The following RBFOX3 variants were observed in gnomAD, a reference collection of about 807,000 sequenced individuals.
The protein encoded by RBFOX3 is RNA binding protein fox-1 homolog 3.
RBFOX3 carries 17 observed loss-of-function variants against 48.7 expected under a neutral mutation model. That is an observed-to-expected ratio of 0.35 (90% CI 0.24 to 0.52). RBFOX3 has a LOEUF of 0.52. Ranked by LOEUF, RBFOX3 falls within the 20% of genes least tolerant of loss-of-function variation. RBFOX3 has a pLI of 0.94. For missense variants in RBFOX3, 382 were observed against 497.5 expected, an observed-to-expected ratio of 0.77 and a Z score of 2.21; for synonymous variants, 212 against 209.5, an observed-to-expected ratio of 1.01 and a Z score of -0.10.
At chr17:79,291,755 C>T (rs917969127) in intron 3 of RBFOX3, among the ~76,000 whole-genome samples, 35 of 152,210 alleles carry the variant, frequency 2.3e-4, no homozygotes, top group African/African-American at 8.2e-4. Context: ...AGAGAGTACA[C>T]AGCCCCTCTC....
Position 79,252,944 on chromosome 17 carries a change from C to T in RBFOX3, c.-73-17139G>A, listed in dbSNP as rs1292136667. On this transcript the variant is annotated intron_variant, in intron 3 of 14. Transcript: ENST00000693108. The surrounding 1 kb of genome is among the most constrained non-coding windows in gnomAD (Gnocchi z 4.0). Reference sequence around the variant, plus strand: ...AGCCCCAGCCCCCTAAACCCGCAGCCTTCTTTGCCGTCTACACTCAGCAAA... The same window carrying T: ...AGCCCCAGCCCCCTAAACCCGCAGCTTTCTTTGCCGTCTACACTCAGCAAA... 4.6e-5 allele frequency among the ~76,000 whole-genome samples: 7 copies of T among 152,150 alleles called. No homozygotes were observed. Among genetic ancestry groups the T allele is most frequent in the Admixed American group, 6.5e-5 (1 of 15,274 alleles).
intron 3 of RBFOX3, among the ~76,000 whole-genome samples, chr17:79,279,595 T>C (rs2069765445): frequency 1.3e-5 from 2 of 152,214 alleles, no homozygotes; most frequent in Admixed American, 1.3e-4. Context: ...TTGTTTCTGG[T>C]CACCCTGTCC....
Position 79,535,119 on chromosome 17 carries a change from G to A in RBFOX3, c.-319-52521C>T, listed in dbSNP as rs990864315. Among the ~76,000 whole-genome samples, 1 of 152,192 alleles carries A rather than the reference G, an allele frequency of 6.6e-6. No individual in the cohort carries two copies. Among genetic ancestry groups the A allele is most frequent in the Non-Finnish European group, 1.5e-5 (1 of 68,028 alleles). ...AAGTCCAGGCTGTGGCAGCTGCGGG[G>A]TTGGGCGATTCAGCCCCTCTCTATG... is the stretch of plus-strand genomic sequence containing the variant. On this transcript the variant is annotated intron_variant, in intron 1 of 14. Coordinates refer to ENST00000693108, the MANE Select transcript of RBFOX3 (RefSeq NM_001350451.2). This position sits in a 1 kb window ranked among gnomAD's most constrained non-coding sequence, Gnocchi z 4.5.
intron 3 of RBFOX3, among the ~76,000 whole-genome samples, chr17:79,265,601 G>A (rs1170934012): frequency 2.0e-5 from 3 of 152,172 alleles, no homozygotes; most frequent in Admixed American, 1.3e-4. Flanking sequence ...CCCTGGGCAC[G>A]CGGGTCTGTA....
intron 3 of RBFOX3, among the ~76,000 whole-genome samples, chr17:79,291,106 C>T (rs2073174328): frequency 6.6e-6 from 1 of 152,186 alleles, no homozygotes; most frequent in African/African-American, 2.4e-5. Context: ...TGATAAAATG[C>T]CAGCCTGCAG....
At chr17:79,490,195 T>G (rs2080285405) in intron 1 of RBFOX3, among the ~76,000 whole-genome samples, 1 of 152,072 alleles carries the variant, frequency 6.6e-6, no homozygotes, top group East Asian at 1.9e-4. Flanking sequence ...GTAGCTATAC[T>G]TCTTCTTTTT....
At chr17:79,182,093 G>A (rs1288585761) in intron 4 of RBFOX3, among the ~76,000 whole-genome samples, 1 of 152,136 alleles carries the variant, frequency 6.6e-6, no homozygotes, top group South Asian at 2.1e-4. Flanking sequence ...GGCCTGGCCT[G>A]GCCAAGTTCC....
At chr17:79,531,233 G>A (rs912713694) in intron 1 of RBFOX3, among the ~76,000 whole-genome samples, 11 of 152,314 alleles carry the variant, frequency 7.2e-5, no homozygotes, top group Non-Finnish European at 1.3e-4. Context: ...CCATGGGGGT[G>A]GGGTCTCCTG....
chr17:79,395,783 C>T (rs894359946), intron 2 of RBFOX3, among the ~76,000 whole-genome samples: 3 of 152,234 alleles, frequency 2.0e-5, no homozygotes, highest in Admixed American at 1.3e-4. Context: ...ACCAGGAGCC[C>T]ATCACGTCAG....
At chr17:79,387,472 A>G (rs1262897547) in intron 2 of RBFOX3, among the ~76,000 whole-genome samples, 1 of 152,220 alleles carries the variant, frequency 6.6e-6, no homozygotes, top group African/African-American at 2.4e-5. Context: ...GCAGGGCCTG[A>G]TCTAGGGATA....
intron 1 of RBFOX3, among the ~76,000 whole-genome samples, chr17:79,563,096 A>G (rs2092312810): frequency 6.6e-6 from 1 of 152,230 alleles, no homozygotes. Flanking sequence ...TTTGTCCTGA[A>G]GTTCCCTTTA....
intron 4 of RBFOX3, among the ~76,000 whole-genome samples, chr17:79,133,245 A>T (rs1568194535): frequency 6.6e-6 from 1 of 152,130 alleles, no homozygotes; most frequent in Non-Finnish European, 1.5e-5. Context: ...TGCAGGGGAA[A>T]CCAGAGGAGC....
At position 79,495,620 on chromosome 17, in the gene RBFOX3, G is replaced by GCA. The variant is rs2081384981; in HGVS notation, c.-319-13023_-319-13022insTG. Among the ~76,000 whole-genome samples, 21 of 110,228 alleles carry GCA rather than the reference G, an allele frequency of 1.9e-4. 2 individuals carry two copies. Among genetic ancestry groups the GCA allele is most frequent in the African/African-American group, 6.3e-4 (18 of 28,510 alleles). The allele number at this position is 110,228 out of a possible 152,430, so 72.3% of individuals were successfully genotyped here. The stretch of plus-strand genomic sequence containing the variant: ...GGGGTACAGAGGGTGGGGAGGTGGG[G>GCA]GAAAGGGTACTGGGGCAGGGATGGG... On this transcript the variant is annotated intron_variant, in intron 1 of 14. Transcript: ENST00000693108.
In RBFOX3 at chr17:79,385,085, C is replaced by G. The variant is rs1406782608; in HGVS notation, c.-174-77261G>C. Among the ~76,000 whole-genome samples the G allele has an allele frequency of 2.0e-5, 3 of 152,344 alleles. No individual in the cohort carries two copies. In the East Asian group the frequency reaches 5.8e-4, roughly 29 times the overall value. ...CCAGGCCCTTGCAAACCCCTCGGGTCCCAGGAATGCCCTGGCTCTTGGGCC... is the reference window on the plus strand; with the variant it reads ...CCAGGCCCTTGCAAACCCCTCGGGTGCCAGGAATGCCCTGGCTCTTGGGCC... On this transcript the variant is annotated intron_variant, in intron 2 of 14. Coordinates refer to ENST00000693108, the MANE Select transcript of RBFOX3 (RefSeq NM_001350451.2).
chr17:79,547,681 A>T (rs984258850), intron 1 of RBFOX3, among the ~76,000 whole-genome samples: 4 of 152,180 alleles, frequency 2.6e-5, no homozygotes, highest in Non-Finnish European at 2.9e-5. Flanking sequence ...CACAGCATGT[A>T]CCACACCCAG....
chr17:79,441,116 C>T (rs1034442391), intron 2 of RBFOX3, among the ~76,000 whole-genome samples: 5 of 152,144 alleles, frequency 3.3e-5, no homozygotes, highest in African/African-American at 7.2e-5. Flanking sequence ...AGAGACACAG[C>T]GGAAGGATTT....
At chr17:79,542,567 T>C (rs1395157934) in intron 1 of RBFOX3, among the ~76,000 whole-genome samples, 1 of 152,198 alleles carries the variant, frequency 6.6e-6, no homozygotes, top group Admixed American at 6.5e-5. Flanking sequence ...GTGGATCACC[T>C]GAGATCAGGA....
intron 1 of RBFOX3, among the ~76,000 whole-genome samples, chr17:79,557,873 C>T (rs1291568966): frequency 3.3e-5 from 5 of 152,266 alleles, no homozygotes; most frequent in South Asian, 2.1e-4. Context: ...CAAAACCTGC[C>T]GAGGACGCAG....
At chr17:79,441,887 G>T (rs537250615) in intron 2 of RBFOX3, among the ~76,000 whole-genome samples, 1 of 152,004 alleles carries the variant, frequency 6.6e-6, no homozygotes, top group Non-Finnish European at 1.5e-5. Context: ...GAAATCAAGG[G>T]TCTCACTGAA....
Sources: allele counts gnomAD v4.1 joint callset (sites outside exome capture counted in the v4.1 genomes callset), GRCh38; gene constraint gnomAD v4.1.1; non-coding constraint Gnocchi (gnomAD v3.1); transcripts MANE v1.5; gene names NCBI Gene and HGNC (gene_info 2026-07-23, HGNC 2026-07-21).